Variants in CNBD1 observed in about 807,000 individuals in gnomAD.
CNBD1 encodes cyclic nucleotide binding domain containing 1, also known as cyclic nucleotide-binding domain-containing protein 1.
In CNBD1, 71 loss-of-function variants were observed where a neutral mutation model predicts 54.4. That is an observed-to-expected ratio of 1.30 (90% CI 1.08 to 1.59). The LOEUF (loss-of-function observed/expected upper bound fraction) is 1.59. Ranked by LOEUF, CNBD1 falls within the 40% of genes most tolerant of loss-of-function variation. The pLI is 0.00. For synonymous variants in CNBD1, 182 were observed against 170.7 expected (o/e 1.07, Z -0.51); for missense variants, 659 against 518.0 (o/e 1.27, Z -2.64).
Position 86,906,492 on chromosome 8 carries a change from A to C in CNBD1, c.272+1298A>C, listed in dbSNP as rs62528025. On this transcript the variant is annotated intron_variant, in intron 3 of 10. Coordinates refer to ENST00000518476, the MANE Select transcript of CNBD1 (RefSeq NM_173538.3). ...TCAAACTACATCCCTAGATGTACAT[A>C]CATCTGGAATGATCATACAATGCTT... 6.4e-3 allele frequency among the ~76,000 whole-genome samples: 977 copies of C among 151,938 alleles called. 21 individuals are homozygous for C. Among genetic ancestry groups the C allele is most frequent in the African/African-American group, 0.022 (929 of 41,420 alleles).
intron 6 of CNBD1, chr8:87,237,315 C>T (rs1459382446): frequency 1.1e-5 from 4 of 379,964 alleles, no homozygotes; most frequent in Non-Finnish European, 1.9e-5. Context: ...CAGCATCTGA[C>T]CACTGGCAGG....
At chr8:86,868,544 G>A (rs1447106963) in intron 1 of CNBD1, among the ~76,000 whole-genome samples, 1 of 146,618 alleles carries the variant, frequency 6.8e-6, no homozygotes, top group Non-Finnish European at 1.5e-5. Context: ...TGTTGGCCAG[G>A]CTGGTCTCTA....
chr8:86,979,613 G>A (rs1808426518), intron 4 of CNBD1, among the ~76,000 whole-genome samples: 1 of 151,864 alleles, frequency 6.6e-6, no homozygotes, highest in African/African-American at 2.4e-5. Context: ...TTCACACTGA[G>A]TATGTAATTC....
At chr8:86,942,184 A>G (rs1807333963) in intron 4 of CNBD1, among the ~76,000 whole-genome samples, 1 of 152,228 alleles carries the variant, frequency 6.6e-6, no homozygotes, top group South Asian at 2.1e-4. Flanking sequence ...ATTAATAGTA[A>G]GTAAAAGATC....
intron 4 of CNBD1, among the ~76,000 whole-genome samples, chr8:87,145,586 A>G (rs1019666187): frequency 6.6e-6 from 1 of 152,212 alleles, no homozygotes; most frequent in Non-Finnish European, 1.5e-5. Flanking sequence ...AATTAAATAC[A>G]AAAGGAAAGA....
intron 3 of CNBD1, among the ~76,000 whole-genome samples, chr8:86,907,233 T>C (rs1809031310): frequency 6.6e-6 from 1 of 152,212 alleles, no homozygotes; most frequent in African/African-American, 2.4e-5. Flanking sequence ...CTGAAATCTC[T>C]AAATTATATC....
At chr8:87,012,925 AT>A (rs1198119699) in intron 4 of CNBD1, among the ~76,000 whole-genome samples, 2 of 152,224 alleles carry the variant, frequency 1.3e-5, no homozygotes, top group Admixed American at 6.5e-5. Context: ...CCCTGGGCAC[AT>A]GTTCTCAGGA....
intron 2 of CNBD1, among the ~76,000 whole-genome samples, chr8:87,398,054 C>A (rs1452639637): frequency 6.6e-6 from 1 of 151,712 alleles, no homozygotes; most frequent in East Asian, 1.9e-4. Context: ...TCGGGTATAT[C>A]TTTATCAGTG....
intron 10 of CNBD1, among the ~76,000 whole-genome samples, chr8:87,359,724 A>G (rs1184088662): frequency 1.3e-5 from 2 of 152,116 alleles, no homozygotes; most frequent in East Asian, 3.9e-4. Flanking sequence ...AGTCTTAAAT[A>G]TATCAAGTTG....
chr8:87,347,647 A>T (rs997371798), intron 8 of CNBD1, among the ~76,000 whole-genome samples: 1 of 152,166 alleles, frequency 6.6e-6, no homozygotes, highest in African/African-American at 2.4e-5. Context: ...AAAGATTTAA[A>T]GTTGGTAAGA....
At chr8:86,908,812 C>A (rs1262270170) in intron 3 of CNBD1, among the ~76,000 whole-genome samples, 4 of 144,868 alleles carry the variant, frequency 2.8e-5, no homozygotes, top group Non-Finnish European at 4.5e-5. Context: ...GTGCTGAGGG[C>A]AGGAGTGCAG....
At chr8:87,378,493 A>C (rs1015131326) in intron 10 of CNBD1, among the ~76,000 whole-genome samples, 3 of 150,702 alleles carry the variant, frequency 2.0e-5, no homozygotes, top group South Asian at 2.1e-4. Flanking sequence ...TGAGGGCTCC[A>C]TTCTGTTCCA....
chr8:87,340,976 T>A (rs986252831), intron 8 of CNBD1, among the ~76,000 whole-genome samples: 5 of 152,138 alleles, frequency 3.3e-5, no homozygotes, highest in Admixed American at 3.3e-4. Context: ...TGTGTTAGTA[T>A]CTGCGTATTT....
At chr8:87,324,670 T>A (rs1407751423) in intron 8 of CNBD1, among the ~76,000 whole-genome samples, 2 of 151,898 alleles carry the variant, frequency 1.3e-5, no homozygotes, top group African/African-American at 4.8e-5. Context: ...CATTTTTTAT[T>A]GTGTCTATTT....
chr8:87,059,590 A>G (rs1475412025), intron 4 of CNBD1, among the ~76,000 whole-genome samples: 1 of 152,190 alleles, frequency 6.6e-6, no homozygotes, highest in Non-Finnish European at 1.5e-5. Flanking sequence ...CAGCAAGGAG[A>G]AGTGCAGAGT....
At chr8:87,425,868 C>G (rs1413741671) in intron 2 of CNBD1, among the ~76,000 whole-genome samples, 3 of 152,268 alleles carry the variant, frequency 2.0e-5, no homozygotes, top group Non-Finnish European at 2.9e-5. Context: ...TTCCCAGCTG[C>G]TTTGTTTACC....
intron 5 of CNBD1, among the ~76,000 whole-genome samples, chr8:87,235,828 T>C (rs1807574155): frequency 6.6e-6 from 1 of 152,106 alleles, no homozygotes; most frequent in Admixed American, 6.6e-5. Flanking sequence ...GCCATATCTG[T>C]GAAGCACTGA....
chr8:87,070,809 C>G (rs1224212941), intron 4 of CNBD1, among the ~76,000 whole-genome samples: 1 of 151,978 alleles, frequency 6.6e-6, no homozygotes, highest in Admixed American at 6.6e-5. Flanking sequence ...ACTATGTACC[C>G]CTAGGCACCA....
intron 6 of CNBD1, among the ~76,000 whole-genome samples, chr8:87,272,070 T>C (rs1239675086): frequency 6.6e-6 from 1 of 151,808 alleles, no homozygotes; most frequent in Non-Finnish European, 1.5e-5. Context: ...TGTAGGCTGG[T>C]GGTTATCAGA....
Sources: gnomAD v4.1 joint callset for allele counts (sites outside exome capture counted in the v4.1 genomes callset) on GRCh38, gnomAD v4.1.1 for gene constraint, MANE v1.5 for transcripts, NCBI Gene and HGNC (gene_info 2026-07-23, HGNC 2026-07-21) for gene names.